Variants in CTNND2 observed in about 807,000 individuals in gnomAD.
CTNND2 encodes catenin delta-2.
Under a neutral mutation model 144.4 loss-of-function variants are expected in CTNND2, and 22 were observed. The ratio of observed to expected loss-of-function variants is 0.15; its 90% confidence interval spans 0.11 to 0.22. The LOEUF (loss-of-function observed/expected upper bound fraction) is 0.22. CTNND2 is among the 10% of genes least tolerant of loss of function. The probability of loss-of-function intolerance (pLI) is 1.00; values close to 1 mark genes in which losing one functional copy is unlikely to be tolerated. For synonymous variants in CTNND2, 751 were observed against 695.6 expected, an observed-to-expected ratio of 1.08 and a Z score of -1.25; for missense variants, 1,353 against 1,618.8, an observed-to-expected ratio of 0.84 and a Z score of 2.82.
At chr5:11,770,102 G>A (rs1789830282) in intron 1 of CTNND2, among the ~76,000 whole-genome samples, 1 of 152,134 alleles carries the variant, frequency 6.6e-6, no homozygotes, top group South Asian at 2.1e-4. Context: ...TTGTGAAGAG[G>A]AGTAGAAGCT....
rs558730699 is a variant in CTNND2 at position 11,753,459 on chromosome 5, GTGATGAATCACATTTAT to G, written c.38-21204_38-21188del. ...GTTTCATGTTTTTAGTTCTATTTAT[GTGATGAATCACATTTAT>G]TGATTTGCAAATGTTGAAACAAACC... On this transcript the variant is annotated intron_variant, in intron 1 of 21. Coordinates refer to ENST00000304623, the MANE Select transcript of CTNND2 (RefSeq NM_001332.4). Among the ~76,000 whole-genome samples, 377 of 151,900 alleles carry G rather than the reference GTGATGAATCACATTTAT, an allele frequency of 2.5e-3. 1 individual carries two copies. Among genetic ancestry groups the G allele is most frequent in the Middle Eastern group, 3.4e-3 (1 of 294 alleles).
At chr5:11,860,612 G>A (rs369447277) in intron 1 of CTNND2, among the ~76,000 whole-genome samples, 1 of 152,146 alleles carries the variant, frequency 6.6e-6, no homozygotes, top group African/African-American at 2.4e-5. Context: ...ACAAGCCAGC[G>A]GCTATTTGTT....
intron 3 of CTNND2, among the ~76,000 whole-genome samples, chr5:11,564,328 C>T (rs1212131604): frequency 6.6e-6 from 1 of 152,148 alleles, no homozygotes; most frequent in Non-Finnish European, 1.5e-5. Context: ...CTTACATTTT[C>T]ATATACGAAA....
chr5:11,082,102 C>T (rs949100840), intron 16 of CTNND2, among the ~76,000 whole-genome samples: 1 of 152,168 alleles, frequency 6.6e-6, no homozygotes, highest in African/African-American at 2.4e-5. Context: ...AATGTAAACT[C>T]CACAAGGGCA....
chr5:11,481,917 GAGA>G (rs1768307389), intron 3 of CTNND2, among the ~76,000 whole-genome samples: 1 of 152,128 alleles, frequency 6.6e-6, no homozygotes, highest in South Asian at 2.1e-4. Context: ...GGCCCCATTT[GAGA>G]AGTTTTTAAT....
intron 11 of CTNND2, among the ~76,000 whole-genome samples, chr5:11,172,263 CT>C (rs764266935): frequency 1.3e-5 from 2 of 151,984 alleles, no homozygotes; most frequent in African/African-American, 2.4e-5. Flanking sequence ...GTCCTGGTGA[CT>C]TTAACTGACT....
chr5:11,692,259 T>C (rs1308932885), intron 2 of CTNND2, among the ~76,000 whole-genome samples: 1 of 152,166 alleles, frequency 6.6e-6, no homozygotes, highest in Non-Finnish European at 1.5e-5. Flanking sequence ...TATCTTACCT[T>C]CTTTCAGAAA....
At chr5:11,854,397 C>G in intron 1 of CTNND2, among the ~76,000 whole-genome samples, 1 of 152,224 alleles carries the variant, frequency 6.6e-6, no homozygotes, top group South Asian at 2.1e-4. Flanking sequence ...CCCTCCCAAA[C>G]AGCTGGGCAC....
chr5:11,010,788 G>C (rs1740993680), intron 18 of CTNND2, among the ~76,000 whole-genome samples: 1 of 152,252 alleles, frequency 6.6e-6, no homozygotes, highest in African/African-American at 2.4e-5. Context: ...CCTGGTGTGA[G>C]ACAGGCCATG....
chr5:11,641,976 G>T (rs1175144284), intron 2 of CTNND2, among the ~76,000 whole-genome samples: 1 of 151,962 alleles, frequency 6.6e-6, no homozygotes, highest in Non-Finnish European at 1.5e-5. Flanking sequence ...TCTTTACGGT[G>T]CATAACAATT....
At position 11,469,798 on chromosome 5, in the gene CTNND2, G is replaced by A. The variant is rs534254117; in HGVS notation, c.288-57729C>T. On this transcript the variant is annotated intron_variant, in intron 3 of 21. Transcript: ENST00000304623. Reference sequence around the variant, plus strand: ...CATTTTCATCTTGAAAGCCATCATCGTAGATTTTTCCCTCCTCTCACCACC... The same window carrying A: ...CATTTTCATCTTGAAAGCCATCATCATAGATTTTTCCCTCCTCTCACCACC... 2.7e-5 allele frequency among the ~76,000 whole-genome samples: 4 copies of A among 148,212 alleles called. No individual in the cohort carries two copies. In the South Asian group the frequency reaches 6.3e-4, roughly 23 times the overall value.
intron 12 of CTNND2, among the ~76,000 whole-genome samples, chr5:11,135,872 C>A (rs576385908): frequency 2.0e-5 from 3 of 152,196 alleles, no homozygotes; most frequent in African/African-American, 7.2e-5. Context: ...TTTGCCCTTG[C>A]TCTCCATCTG....
chr5:11,311,942 C>A, intron 9 of CTNND2, among the ~76,000 whole-genome samples: 1 of 149,248 alleles, frequency 6.7e-6, no homozygotes, highest in Non-Finnish European at 1.5e-5. Context: ...CACACACTCA[C>A]ACACACTCCC....
intron 7 of CTNND2, among the ~76,000 whole-genome samples, chr5:11,376,322 G>GTGTGTGTGTGTGTGTGTGTTCATGTATC (rs1554044779): frequency 0.014 from 2,033 of 146,128 alleles, 25 homozygotes; most frequent in Admixed American, 0.032. Flanking sequence ...TTGTGTGTGT[G>GTGTGTGTGTGTGTGTGTGTTCATGTATC]TGTGTGTGTG....
At chr5:11,308,047 C>T (rs1261794868) in intron 9 of CTNND2, among the ~76,000 whole-genome samples, 2 of 152,180 alleles carry the variant, frequency 1.3e-5, no homozygotes, top group South Asian at 2.1e-4. Context: ...CACCACACAA[C>T]GAACGTGCTG....
At chr5:11,162,884 T>TAC (rs34257746) in intron 11 of CTNND2, among the ~76,000 whole-genome samples, 13,449 of 147,808 alleles carry the variant, frequency 0.091, 806 homozygotes, top group East Asian at 0.32. Flanking sequence ...TCTTTCCTGC[T>TAC]ACACACACAC....
intron 11 of CTNND2, among the ~76,000 whole-genome samples, chr5:11,190,097 T>C (rs1010756656): frequency 2.6e-5 from 4 of 152,230 alleles, no homozygotes; most frequent in Non-Finnish European, 4.4e-5. Context: ...AGGAGATGAC[T>C]TGCCATCAAA....
At chr5:10,987,640 T>G (rs1040145572) in intron 20 of CTNND2, among the ~76,000 whole-genome samples, 4 of 146,806 alleles carry the variant, frequency 2.7e-5, no homozygotes, top group Non-Finnish European at 4.5e-5. Flanking sequence ...CCTCTTTCCA[T>G]TCCCCGTCCC....
At chr5:11,146,735 G>T (rs976174931) in intron 12 of CTNND2, among the ~76,000 whole-genome samples, 1 of 152,158 alleles carries the variant, frequency 6.6e-6, no homozygotes, top group African/African-American at 2.4e-5. Context: ...AGGACAAAAT[G>T]TACTAAGCAA....
Sources: gnomAD v4.1 joint callset for allele counts (sites outside exome capture counted in the v4.1 genomes callset) on GRCh38, gnomAD v4.1.1 for gene constraint, MANE v1.5 for transcripts, NCBI Gene and HGNC (gene_info 2026-07-23, HGNC 2026-07-21) for gene names.